The following EGF variants were observed in gnomAD, a reference collection of about 807,000 sequenced individuals.
The protein encoded by EGF is pro-epidermal growth factor.
EGF carries 95 observed loss-of-function variants against 143.8 expected under a neutral mutation model. That is an observed-to-expected ratio of 0.66 (90% CI 0.56 to 0.78). The LOEUF (loss-of-function observed/expected upper bound fraction) is 0.78. Among genes scored for constraint, EGF ranks in the 30% least tolerant of loss-of-function variants. EGF has a pLI of 0.00. For missense variants in EGF, 1,320 were observed against 1,470.9 expected (o/e 0.90, Z 1.68); for synonymous variants, 510 against 510.5 (o/e 1.00, Z 0.01).
At chr4:109,918,261 T>G (rs1368610773) in intron 1 of EGF, among the ~76,000 whole-genome samples, 1 of 150,936 alleles carries the variant, frequency 6.6e-6, no homozygotes, top group Admixed American at 6.6e-5. Context: ...TGTGGTTTTT[T>G]TTTTTTTTTT....
chr4:109,956,286 T>C (rs529989904), intron 5 of EGF, among the ~76,000 whole-genome samples: 2 of 152,200 alleles, frequency 1.3e-5, no homozygotes, highest in Non-Finnish European at 2.9e-5. Context: ...GTTTCCCTGA[T>C]TGGTAATCCA....
intron 5 of EGF, among the ~76,000 whole-genome samples, chr4:109,953,956 C>T (rs1744359585): frequency 6.6e-6 from 1 of 152,198 alleles, no homozygotes; most frequent in African/African-American, 2.4e-5. Flanking sequence ...TTTCCATCTT[C>T]CTGCTATGGG....
At chr4:109,956,312 G>T (rs1324312374) in intron 5 of EGF, among the ~76,000 whole-genome samples, 2 of 152,118 alleles carry the variant, frequency 1.3e-5, no homozygotes, top group Non-Finnish European at 2.9e-5. Flanking sequence ...CATCCAGCAT[G>T]CTGAGTTTGG....
At chr4:109,955,741 G>C (rs1252389712) in intron 5 of EGF, among the ~76,000 whole-genome samples, 1 of 152,136 alleles carries the variant, frequency 6.6e-6, no homozygotes, top group Non-Finnish European at 1.5e-5. Context: ...TGATCACAGG[G>C]TTTTTTTGTG....
intron 22 of EGF, among the ~76,000 whole-genome samples, chr4:110,004,897 A>G (rs11569112): frequency 2.0e-4 from 30 of 152,212 alleles, no homozygotes; most frequent in African/African-American, 7.2e-4. Context: ...GATTCTTTCT[A>G]TAACTTAGAT....
chr4:109,993,154 C>T, intron 18 of EGF, 93 bp from the exon 19 acceptor site: 2 of 1,534,436 alleles, frequency 1.3e-6, no homozygotes, highest in Admixed American at 1.7e-5. Flanking sequence ...ATGACAGAAG[C>T]TGATGAAGCT....
chr4:110,004,154 C>G (rs947923208), intron 21 of EGF: 1 of 366,628 alleles, frequency 2.7e-6, no homozygotes, highest in Non-Finnish European at 5.3e-6. Context: ...AGTTAGTACT[C>G]AATAGATACC....
chr4:109,930,663 C>T (rs1347633100), intron 1 of EGF, among the ~76,000 whole-genome samples: 1 of 152,168 alleles, frequency 6.6e-6, no homozygotes, highest in South Asian at 2.1e-4. Flanking sequence ...GCCCCCAAGG[C>T]CTGCAGAAGA....
At chr4:109,968,929 G>A in intron 10 of EGF, 42 bp from the exon 11 acceptor site, 1 of 1,612,748 alleles carries the variant, frequency 6.2e-7, no homozygotes, top group Non-Finnish European at 8.5e-7. Flanking sequence ...TTCCACATTA[G>A]TTTTAAAAAA....
chr4:109,917,091 C>T (rs543651929), intron 1 of EGF, among the ~76,000 whole-genome samples: 38 of 152,134 alleles, frequency 2.5e-4, no homozygotes, highest in African/African-American at 6.7e-4. Context: ...GGTTTCTTAC[C>T]GGTAATAATC....
intron 1 of EGF, among the ~76,000 whole-genome samples, chr4:109,918,308 A>T (rs1428771191): frequency 2.0e-5 from 3 of 149,108 alleles, no homozygotes; most frequent in Non-Finnish European, 4.4e-5. Flanking sequence ...ATAGCGAATG[A>T]CTTTTCTCAG....
At chr4:109,935,971 G>A (rs560601402) in intron 1 of EGF, among the ~76,000 whole-genome samples, 49 of 152,170 alleles carry the variant, frequency 3.2e-4, no homozygotes, top group African/African-American at 1.2e-3. Context: ...GGATTTTCAT[G>A]TCAATGTTCA....
chr4:109,961,755 T>C, intron 7 of EGF, 108 bp from the exon 8 acceptor site: 1 of 1,435,832 alleles, frequency 7.0e-7, no homozygotes, highest in East Asian at 2.4e-5. Flanking sequence ...TCCCAACACT[T>C]TGGGAGGTCA....
chr4:109,949,502 T>C (rs573736565), intron 5 of EGF, among the ~76,000 whole-genome samples: 3 of 152,328 alleles, frequency 2.0e-5, no homozygotes, highest in African/African-American at 7.2e-5. Flanking sequence ...GAACTATTCA[T>C]ATGGTTGTGT....
intron 1 of EGF, among the ~76,000 whole-genome samples, chr4:109,939,864 G>A (rs1316846116): frequency 2.0e-5 from 3 of 152,170 alleles, no homozygotes; most frequent in African/African-American, 7.2e-5. Flanking sequence ...AGTAAGCCCA[G>A]CACAGAAGCA....
intron 4 of EGF, among the ~76,000 whole-genome samples, chr4:109,944,702 A>G (rs1386642064): frequency 6.6e-6 from 1 of 152,212 alleles, no homozygotes; most frequent in African/African-American, 2.4e-5. Context: ...TCTTTCATTG[A>G]TTTGCTATCA....
At chr4:109,966,634 A>G (rs1746645351) in intron 10 of EGF, among the ~76,000 whole-genome samples, 1 of 152,000 alleles carries the variant, frequency 6.6e-6, no homozygotes, top group South Asian at 2.1e-4. Flanking sequence ...TCCCTAGAGG[A>G]TTGCAAATTT....
At chr4:109,970,681 C>A (rs762699181) in intron 11 of EGF, among the ~76,000 whole-genome samples, 6 of 151,994 alleles carry the variant, frequency 3.9e-5, no homozygotes, top group Non-Finnish European at 7.4e-5. Flanking sequence ...AAAAAATTAG[C>A]CGGGCGGGTG....
At chr4:109,998,916 T>C (rs889365889) in intron 20 of EGF, among the ~76,000 whole-genome samples, 1 of 152,210 alleles carries the variant, frequency 6.6e-6, no homozygotes, top group Non-Finnish European at 1.5e-5. Context: ...AGAATACAGA[T>C]GTTTACCTGA....
Sources: gnomAD v4.1 joint callset for allele counts (sites outside exome capture counted in the v4.1 genomes callset) on GRCh38, gnomAD v4.1.1 for gene constraint, MANE v1.5 for transcripts, NCBI Gene and HGNC (gene_info 2026-07-23, HGNC 2026-07-21) for gene names.